Variants in KCNIP1 observed in about 807,000 individuals in gnomAD.
The protein encoded by KCNIP1 is potassium voltage-gated channel interacting protein 1.
Under a neutral mutation model 33.0 loss-of-function variants are expected in KCNIP1, and 18 were observed. That is an observed-to-expected ratio of 0.55 (90% CI 0.38 to 0.81). The LOEUF (loss-of-function observed/expected upper bound fraction) is 0.81. Ranked by LOEUF, KCNIP1 falls within the 30% of genes least tolerant of loss-of-function variation. KCNIP1 has a pLI of 0.00. For synonymous variants in KCNIP1, 93 were observed against 98.3 expected (o/e 0.95, Z 0.32); for missense variants, 238 against 271.6 (o/e 0.88, Z 0.87).
At chr5:170,476,864 C>T (rs1460094595) in intron 1 of KCNIP1, among the ~76,000 whole-genome samples, 1 of 152,192 alleles carries the variant, frequency 6.6e-6, no homozygotes, top group Non-Finnish European at 1.5e-5. Context: ...TAATGTTCAA[C>T]ATAAATTACC....
chr5:170,355,016 G>C (rs575687806), intron 1 of KCNIP1, among the ~76,000 whole-genome samples: 29 of 152,346 alleles, frequency 1.9e-4, no homozygotes, highest in African/African-American at 6.7e-4. Flanking sequence ...GCTATATGCA[G>C]CCAGATCTCA....
At chr5:170,357,455 CA>C (rs1323933137) in intron 1 of KCNIP1, among the ~76,000 whole-genome samples, 1 of 152,210 alleles carries the variant, frequency 6.6e-6, no homozygotes, top group Non-Finnish European at 1.5e-5. Context: ...TTCTCAGCAC[CA>C]GGCACAGATT....
At chr5:170,468,938 G>GC (rs1756665702) in intron 1 of KCNIP1, among the ~76,000 whole-genome samples, 1 of 151,824 alleles carries the variant, frequency 6.6e-6, no homozygotes. Flanking sequence ...TAAGGAAAAA[G>GC]CTGAAGCCCT....
At chr5:170,596,565 A>G (rs1404199244) in intron 1 of KCNIP1, among the ~76,000 whole-genome samples, 1 of 152,236 alleles carries the variant, frequency 6.6e-6, no homozygotes, top group African/African-American at 2.4e-5. Context: ...GCATGGAGCC[A>G]TGGAGAGAGC....
chr5:170,553,871 C>T (rs894030182), intron 1 of KCNIP1, among the ~76,000 whole-genome samples: 13 of 152,298 alleles, frequency 8.5e-5, no homozygotes, highest in Non-Finnish European at 1.5e-5. Flanking sequence ...TGTGTGGACC[C>T]GGGTTCATCC....
At chr5:170,602,314 G>A (rs1008747028) in intron 1 of KCNIP1, among the ~76,000 whole-genome samples, 1 of 152,208 alleles carries the variant, frequency 6.6e-6, no homozygotes, top group East Asian at 1.9e-4. Context: ...GGGACTTTCA[G>A]ACCAAGCAGA....
intron 2 of KCNIP1, 128 bp from the exon 3 acceptor site, chr5:170,720,193 G>A (rs1303442216): frequency 1.5e-6 from 1 of 678,002 alleles, no homozygotes; most frequent in South Asian, 1.7e-5. Flanking sequence ...CACTACTTGG[G>A]AGAAGTGGAA....
intron 1 of KCNIP1, among the ~76,000 whole-genome samples, chr5:170,600,046 T>A (rs13158317): frequency 0.19 from 29,023 of 152,104 alleles, 2,997 homozygotes; most frequent in Middle Eastern, 0.3. Flanking sequence ...ATTCAAGCCA[T>A]ATAAAGACAA....
intron 1 of KCNIP1, among the ~76,000 whole-genome samples, chr5:170,611,004 C>A (rs934474946): frequency 6.6e-6 from 1 of 152,184 alleles, no homozygotes; most frequent in Non-Finnish European, 1.5e-5. Context: ...AAACTGAGTT[C>A]CCCCCAAAAT....
chr5:170,716,096 AG>A (rs1444225741), intron 1 of KCNIP1, among the ~76,000 whole-genome samples: 7 of 152,234 alleles, frequency 4.6e-5, no homozygotes, highest in African/African-American at 1.7e-4. Flanking sequence ...ATACAAAGAA[AG>A]GGAAGGGAGA....
intron 1 of KCNIP1, among the ~76,000 whole-genome samples, chr5:170,437,384 C>G (rs968776935): frequency 6.6e-6 from 1 of 152,168 alleles, no homozygotes; most frequent in Admixed American, 6.5e-5. Context: ...GTCCTGAACT[C>G]CCTCACAACC....
At chr5:170,666,275 G>A (rs1163286111) in intron 1 of KCNIP1, among the ~76,000 whole-genome samples, 1 of 152,194 alleles carries the variant, frequency 6.6e-6, no homozygotes, top group Admixed American at 6.5e-5. Flanking sequence ...TGGGGCTCTT[G>A]CAGTTGGCTC....
intron 1 of KCNIP1, among the ~76,000 whole-genome samples, chr5:170,463,966 G>A (rs1756557795): frequency 6.6e-6 from 1 of 151,976 alleles, no homozygotes; most frequent in Non-Finnish European, 1.5e-5. Flanking sequence ...GATCAGCAAG[G>A]TTACAGGATA....
intron 1 of KCNIP1, among the ~76,000 whole-genome samples, chr5:170,643,244 T>C (rs1280556986): frequency 6.6e-6 from 1 of 152,266 alleles, no homozygotes; most frequent in East Asian, 1.9e-4. Flanking sequence ...AAATGGGTTT[T>C]CTCTGTGAGC....
In KCNIP1 at chr5:170,489,753, C is replaced by T. The variant is rs746084520; in HGVS notation, c.88+135789C>T. ...CCCTTTACAACTGACGGGAGCTATC[C>T]TGGGGAATGAAGCCTGAGGCTAAAA... On this transcript the variant is annotated intron_variant, in intron 1 of 7. Coordinates refer to the KCNIP1 transcript ENST00000377360. This position sits in a 1 kb window ranked among gnomAD's most constrained non-coding sequence, Gnocchi z 4.3. Among the ~76,000 whole-genome samples the T allele has an allele frequency of 4.6e-5, 7 of 152,176 alleles. No individual in the cohort carries two copies. Among genetic ancestry groups the T allele is most frequent in the Non-Finnish European group, 8.8e-5 (6 of 68,038 alleles).
At position 170,504,558 on chromosome 5, in the gene KCNIP1, C is replaced by G. The variant is rs372007019; in HGVS notation, c.-15C>G. The G allele has an allele frequency of 3.7e-5, 59 of 1,613,150 alleles. 1 individual carries two copies. In the African/African-American group the frequency reaches 5.1e-4, roughly 14 times the overall value. Reference sequence around the variant, plus strand: ...CGGGCCCGGGGTCCCAACTCGCACTCAAGTCTTCGCTGCCATGGGGGCCGT... The same window carrying G: ...CGGGCCCGGGGTCCCAACTCGCACTGAAGTCTTCGCTGCCATGGGGGCCGT... On this transcript the variant is annotated 5_prime_UTR_variant, in exon 1 of 8. Transcript: ENST00000328939. This position sits in a 1 kb window ranked among gnomAD's most constrained non-coding sequence, Gnocchi z 6.0.
chr5:170,584,327 T>C (rs1414651319), intron 1 of KCNIP1, among the ~76,000 whole-genome samples: 1 of 152,154 alleles, frequency 6.6e-6, no homozygotes, highest in Non-Finnish European at 1.5e-5. Flanking sequence ...TAATGTAGGC[T>C]TAGAGAAGGG....
intron 1 of KCNIP1, among the ~76,000 whole-genome samples, chr5:170,560,558 C>T (rs1757002418): frequency 6.6e-6 from 1 of 152,002 alleles, no homozygotes; most frequent in South Asian, 2.1e-4. Context: ...GTGTTGTGCC[C>T]CCGGGGATCA....
At chr5:170,410,854 A>G (rs539626639) in intron 1 of KCNIP1, among the ~76,000 whole-genome samples, 2 of 152,342 alleles carry the variant, frequency 1.3e-5, no homozygotes, top group African/African-American at 4.8e-5. Context: ...GATGCCTAGG[A>G]GGATGGTGGA....
Sources: gnomAD v4.1 joint callset for allele counts (sites outside exome capture counted in the v4.1 genomes callset) on GRCh38, gnomAD v4.1.1 for gene constraint, Gnocchi (gnomAD v3.1) non-coding constraint, MANE v1.5 for transcripts, NCBI Gene and HGNC (gene_info 2026-07-23, HGNC 2026-07-21) for gene names.